The following DCLK2 variants were observed in gnomAD, a reference collection of about 807,000 sequenced individuals.
The protein encoded by DCLK2 is serine/threonine-protein kinase DCLK2.
In DCLK2, 31 loss-of-function variants were observed where a neutral mutation model predicts 78.4. The ratio of observed to expected loss-of-function variants is 0.40; its 90% confidence interval spans 0.30 to 0.53. The LOEUF (loss-of-function observed/expected upper bound fraction) is 0.53, where lower values mean the gene tolerates loss of function less well. DCLK2 is among the 20% of genes least tolerant of loss of function. DCLK2 has a pLI of 0.61. For missense variants in DCLK2, 872 were observed against 973.7 expected (o/e 0.90, Z 1.39); for synonymous variants, 407 against 374.9 (o/e 1.09, Z -0.99).
chr4:150,163,554 C>T (rs1016674790), intron 2 of DCLK2, among the ~76,000 whole-genome samples: 1 of 152,150 alleles, frequency 6.6e-6, no homozygotes, highest in Non-Finnish European at 1.5e-5. Flanking sequence ...CATTATATAA[C>T]TTAATCTCTC....
intron 1 of DCLK2, among the ~76,000 whole-genome samples, chr4:150,094,049 A>G (rs1434182294): frequency 2.0e-5 from 3 of 152,208 alleles, no homozygotes; most frequent in Non-Finnish European, 4.4e-5. Context: ...CTTATACATA[A>G]AAACCAACTC....
At chr4:150,153,234 A>C (rs924746025) in intron 2 of DCLK2, among the ~76,000 whole-genome samples, 1 of 152,114 alleles carries the variant, frequency 6.6e-6, no homozygotes, top group Non-Finnish European at 1.5e-5. Flanking sequence ...TGGTGACAGG[A>C]TGAATCTTTT....
intron 5 of DCLK2, among the ~76,000 whole-genome samples, chr4:150,213,773 A>G (rs1034262796): frequency 1.3e-5 from 2 of 152,234 alleles, no homozygotes; most frequent in African/African-American, 4.8e-5. Context: ...TAGATATACC[A>G]TAGTGTATAT....
At chr4:150,130,560 G>A (rs575347438) in intron 2 of DCLK2, among the ~76,000 whole-genome samples, 70 of 152,234 alleles carry the variant, frequency 4.6e-4, no homozygotes, top group African/African-American at 1.6e-3. Flanking sequence ...GACATAGTAG[G>A]AAATAAGCTG....
chr4:150,191,627 C>G (rs1267201763), intron 2 of DCLK2, among the ~76,000 whole-genome samples: 2 of 152,152 alleles, frequency 1.3e-5, no homozygotes, highest in Non-Finnish European at 1.5e-5. Flanking sequence ...CTTAAAGGCC[C>G]TGGACACTGT....
chr4:150,143,957 A>T (rs1310183719), intron 2 of DCLK2, among the ~76,000 whole-genome samples: 1 of 152,004 alleles, frequency 6.6e-6, no homozygotes, highest in Non-Finnish European at 1.5e-5. Context: ...TGCCAGAGAC[A>T]TAATTTGCAA....
chr4:150,239,710 AT>A, intron 10 of DCLK2, 31 bp from the exon 11 acceptor site: 1 of 1,607,516 alleles, frequency 6.2e-7, no homozygotes, highest in South Asian at 1.1e-5. Flanking sequence ...GGAAAAAAAA[AT>A]CTTCTGATTG....
intron 15 of DCLK2, among the ~76,000 whole-genome samples, chr4:150,255,570 G>C (rs888770832): frequency 6.6e-6 from 1 of 152,200 alleles, no homozygotes; most frequent in African/African-American, 2.4e-5. Context: ...CAGCATCTCA[G>C]GTTGTTAGGA....
At chr4:150,163,063 G>A (rs1284412027) in intron 2 of DCLK2, among the ~76,000 whole-genome samples, 2 of 152,056 alleles carry the variant, frequency 1.3e-5, no homozygotes, top group Non-Finnish European at 2.9e-5. Context: ...TAATCATTCT[G>A]CAGGGCGGTA....
At chr4:150,204,361 T>C (rs1739684428) in intron 5 of DCLK2, among the ~76,000 whole-genome samples, 1 of 152,130 alleles carries the variant, frequency 6.6e-6, no homozygotes, top group Non-Finnish European at 1.5e-5. Context: ...AAGGAAAATA[T>C]GGTCATCTTT....
At chr4:150,224,430 AAAAG>A in intron 7 of DCLK2, 67 bp from the exon 8 acceptor site, 3 of 1,444,456 alleles carry the variant, frequency 2.1e-6, no homozygotes, top group South Asian at 2.6e-5. Flanking sequence ...TAAAGTATAA[AAAAG>A]AAAGAAAACA....
intron 2 of DCLK2, among the ~76,000 whole-genome samples, chr4:150,135,874 T>G (rs1445817056): frequency 1.3e-5 from 2 of 152,228 alleles, no homozygotes; most frequent in African/African-American, 2.4e-5. Flanking sequence ...AGGAAGCTGC[T>G]TGCTTATGGA....
At chr4:150,098,375 CA>C (rs752987650) in intron 1 of DCLK2, among the ~76,000 whole-genome samples, 7 of 152,128 alleles carry the variant, frequency 4.6e-5, no homozygotes, top group Non-Finnish European at 1.0e-4. Flanking sequence ...AACAGAAGAA[CA>C]AAATGGCTTG....
intron 8 of DCLK2, among the ~76,000 whole-genome samples, chr4:150,231,949 G>T (rs1388466119): frequency 6.6e-6 from 1 of 152,156 alleles, no homozygotes; most frequent in East Asian, 1.9e-4. Flanking sequence ...GTCTTTATTT[G>T]TGAGTGTATA....
chr4:150,170,033 T>A (rs1736397346), intron 2 of DCLK2, among the ~76,000 whole-genome samples: 1 of 152,206 alleles, frequency 6.6e-6, no homozygotes, highest in South Asian at 2.1e-4. Context: ...CAACCCTAGA[T>A]GCAAGTAGTT....
At chr4:150,089,142 G>A (rs4519777) in intron 1 of DCLK2, among the ~76,000 whole-genome samples, 20,833 of 152,186 alleles carry the variant, frequency 0.14, 1,820 homozygotes, top group Non-Finnish European at 0.19. Context: ...TACCCAACCT[G>A]TATTTCCCCT....
chr4:150,185,764 C>G (rs984513610), intron 2 of DCLK2, among the ~76,000 whole-genome samples: 4 of 151,850 alleles, frequency 2.6e-5, no homozygotes. Flanking sequence ...CTCTTTCACA[C>G]GTTTTTGTAT....
chr4:150,195,443 A>T lies in DCLK2; in HGVS notation c.859+2203A>T, dbSNP rs866334446. Among the ~76,000 whole-genome samples, 446 of 44,810 alleles carry T rather than the reference A, an allele frequency of 1.0e-2. 140 individuals are homozygous for T. Among genetic ancestry groups the T allele is most frequent in the Non-Finnish European group, 0.016 (345 of 21,118 alleles). 29.4% of individuals were successfully genotyped at this position (44,810 alleles called of 152,430 possible). A position where few individuals can be genotyped will look rare whatever the true frequency, so the allele number is the denominator to read the frequency against. The stretch of plus-strand genomic sequence containing the variant: ...ATATAATATTATATATTATATATAT[A>T]ATATATATTAGATATATTATATATT... On this transcript the variant is annotated intron_variant, in intron 3 of 15. Coordinates refer to ENST00000296550, the MANE Select transcript of DCLK2 (RefSeq NM_001040260.4).
At chr4:150,237,896 C>T (rs1415144314) in intron 10 of DCLK2, among the ~76,000 whole-genome samples, 1 of 152,172 alleles carries the variant, frequency 6.6e-6, no homozygotes, top group African/African-American at 2.4e-5. Context: ...AGTTTATTCT[C>T]TGAAATTCCA....
Sources: gnomAD v4.1 joint callset for allele counts (sites outside exome capture counted in the v4.1 genomes callset) on GRCh38, gnomAD v4.1.1 for gene constraint, MANE v1.5 for transcripts, NCBI Gene and HGNC (gene_info 2026-07-23, HGNC 2026-07-21) for gene names.